The following DLGAP2 variants were observed in gnomAD, a reference collection of about 807,000 sequenced individuals.
The protein encoded by DLGAP2 is disks large-associated protein 2.
A neutral mutation model predicts 100.3 loss-of-function variants in DLGAP2; 26 were observed. The observed-to-expected ratio is 0.26, with a 90% confidence interval of 0.19 to 0.36. The LOEUF is 0.36. Ranked by LOEUF, DLGAP2 falls within the 10% of genes least tolerant of loss-of-function variation. The pLI is 1.00. For missense variants in DLGAP2, 1,858 were observed against 1,453.2 expected (o/e 1.28, Z -4.53); for synonymous variants, 886 against 630.1 (o/e 1.41, Z -6.08).
At chr8:1,031,491 A>C (rs1338050441) in intron 2 of DLGAP2, among the ~76,000 whole-genome samples, 1 of 151,976 alleles carries the variant, frequency 6.6e-6, no homozygotes, top group East Asian at 1.9e-4. Context: ...AGCTCAGTAC[A>C]GCCTCAACCT....
At chr8:1,213,876 T>C (rs1323550516) in intron 2 of DLGAP2, among the ~76,000 whole-genome samples, 2 of 152,182 alleles carry the variant, frequency 1.3e-5, no homozygotes, top group Admixed American at 1.3e-4. Flanking sequence ...CATGGCAGAC[T>C]CCGCCCCATC....
intron 1 of DLGAP2, among the ~76,000 whole-genome samples, chr8:786,055 A>G (rs1162350051): frequency 6.6e-6 from 1 of 152,224 alleles, no homozygotes; most frequent in African/African-American, 2.4e-5. Context: ...TGCCCAGACC[A>G]GAGCTCGCTG....
intron 2 of DLGAP2, among the ~76,000 whole-genome samples, chr8:1,088,141 G>C (rs1804038806): frequency 6.6e-6 from 1 of 152,246 alleles, no homozygotes; most frequent in Non-Finnish European, 1.5e-5. Flanking sequence ...CACCAAGGCG[G>C]CTGCTGGTCC....
intron 1 of DLGAP2, among the ~76,000 whole-genome samples, chr8:837,170 G>A (rs1244848342): frequency 6.6e-6 from 1 of 152,168 alleles, no homozygotes; most frequent in East Asian, 1.9e-4. Flanking sequence ...CGGGGATCCC[G>A]GGAGCGGATG....
chr8:1,457,168 G>A (rs193211896), intron 3 of DLGAP2, among the ~76,000 whole-genome samples: 4 of 152,306 alleles, frequency 2.6e-5, no homozygotes, highest in Admixed American at 2.6e-4. Flanking sequence ...ATATGTTGGA[G>A]TAGGCCTTTT....
intron 3 of DLGAP2, among the ~76,000 whole-genome samples, chr8:1,414,123 C>G (rs1279978500): frequency 6.6e-6 from 1 of 152,116 alleles, no homozygotes. Flanking sequence ...GAGTTGCAGG[C>G]TGTTGAGAAA....
intron 2 of DLGAP2, among the ~76,000 whole-genome samples, chr8:1,084,376 AT>A (rs1163304387): frequency 6.6e-6 from 1 of 152,180 alleles, no homozygotes; most frequent in African/African-American, 2.4e-5. Flanking sequence ...CATATTTAAC[AT>A]TTTTTGTGAT....
intron 6 of DLGAP2, among the ~76,000 whole-genome samples, chr8:1,576,276 G>A (rs1802974005): frequency 6.6e-6 from 1 of 152,188 alleles, no homozygotes; most frequent in South Asian, 2.1e-4. Context: ...CTTTTGAGAA[G>A]TGTCTGTTCA....
chr8:1,489,239 T>C (rs1428743249), intron 3 of DLGAP2, among the ~76,000 whole-genome samples: 1 of 151,954 alleles, frequency 6.6e-6, no homozygotes, highest in African/African-American at 2.4e-5. Context: ...GGAGTTGGAG[T>C]TCGTGGAAAA....
chr8:1,536,756 C>G (rs1176008051), intron 4 of DLGAP2, among the ~76,000 whole-genome samples: 2 of 152,220 alleles, frequency 1.3e-5, no homozygotes, highest in East Asian at 1.9e-4. Context: ...CATTCCTTTT[C>G]TGCCACTTCT....
chr8:1,262,125 G>C (rs530651547), intron 3 of DLGAP2, among the ~76,000 whole-genome samples: 26 of 152,336 alleles, frequency 1.7e-4, no homozygotes, highest in Non-Finnish European at 3.1e-4. Flanking sequence ...GGAATAATTA[G>C]CCCAGTCTCA....
intron 3 of DLGAP2, among the ~76,000 whole-genome samples, chr8:1,298,155 C>T (rs990715910): frequency 1.3e-5 from 2 of 151,900 alleles, no homozygotes; most frequent in African/African-American, 4.8e-5. Flanking sequence ...GGAGGAGAAA[C>T]GTGGCATGCA....
intron 3 of DLGAP2, among the ~76,000 whole-genome samples, chr8:1,289,782 C>T (rs148888246): frequency 0.018 from 2,677 of 152,268 alleles, 30 homozygotes; most frequent in South Asian, 0.036. Flanking sequence ...TGCTCTGCTG[C>T]GGACCACAGA....
chr8:1,583,706 A>C (rs552142349), intron 6 of DLGAP2, among the ~76,000 whole-genome samples: 14 of 151,880 alleles, frequency 9.2e-5, no homozygotes, highest in Non-Finnish European at 1.5e-4. Context: ...CCTTCAGATC[A>C]CTCAGCTCCT....
At chr8:1,605,594 A>C (rs992963004) in intron 6 of DLGAP2, among the ~76,000 whole-genome samples, 31 of 152,134 alleles carry the variant, frequency 2.0e-4, no homozygotes, top group African/African-American at 7.5e-4. Context: ...TTAGCAATCA[A>C]AGACTTTTAT....
At chr8:826,240 G>C (rs1796683196) in intron 1 of DLGAP2, among the ~76,000 whole-genome samples, 2 of 152,204 alleles carry the variant, frequency 1.3e-5, no homozygotes, top group South Asian at 4.1e-4. Flanking sequence ...CGGACACTTA[G>C]GTGGATTCCA....
chr8:1,023,500 T>C (rs998150036), intron 2 of DLGAP2, among the ~76,000 whole-genome samples: 4 of 151,982 alleles, frequency 2.6e-5, no homozygotes, highest in African/African-American at 9.7e-5. Flanking sequence ...CTGGCTGGAG[T>C]CCTGTTTGAG....
At chr8:1,392,948 G>C (rs934510714) in intron 3 of DLGAP2, among the ~76,000 whole-genome samples, 3 of 114,616 alleles carry the variant, frequency 2.6e-5, no homozygotes, top group Non-Finnish European at 5.3e-5. Flanking sequence ...CCCCCAAATG[G>C]AGACAGATCA....
At chr8:1,453,285 G>C (rs1040471081) in intron 3 of DLGAP2, among the ~76,000 whole-genome samples, 1 of 152,172 alleles carries the variant, frequency 6.6e-6, no homozygotes, top group South Asian at 2.1e-4. Flanking sequence ...AGCAGGAGGA[G>C]CCTGGGGAGG....
Sources: allele counts gnomAD v4.1 joint callset (sites outside exome capture counted in the v4.1 genomes callset), GRCh38; gene constraint gnomAD v4.1.1; transcripts MANE v1.5; gene names NCBI Gene and HGNC (gene_info 2026-07-23, HGNC 2026-07-21).